ECI1: variants seen among roughly 807,000 people sequenced by gnomAD.
ECI1 encodes the protein enoyl-CoA delta isomerase 1.
Under a neutral mutation model 34.2 loss-of-function variants are expected in ECI1, and 34 were observed. The observed-to-expected ratio is 1.00, with a 90% CI of 0.76 to 1.33. ECI1 has a LOEUF of 1.33. Ranked by LOEUF, ECI1 falls within the 40% of genes most tolerant of loss-of-function variation. ECI1 has a pLI of 0.00. For synonymous variants in ECI1, 211 were observed against 193.0 expected, an observed-to-expected ratio of 1.09 and a Z score of -0.77; for missense variants, 456 against 422.2, an observed-to-expected ratio of 1.08 and a Z score of -0.70.
intron 2 of ECI1, among the ~76,000 whole-genome samples, chr16:2,250,358 A>T (rs991162673): frequency 1.3e-5 from 2 of 151,554 alleles, no homozygotes; most frequent in Non-Finnish European, 2.9e-5. Context: ...CCCTCAGCCC[A>T]GACAGAGAGG....
intron 2 of ECI1, among the ~76,000 whole-genome samples, chr16:2,247,308 G>A (rs1437013625): frequency 6.6e-6 from 1 of 152,128 alleles, no homozygotes; most frequent in East Asian, 1.9e-4. Context: ...TGTTAGCCAG[G>A]ATGGGCTCGA....
intron 2 of ECI1, among the ~76,000 whole-genome samples, chr16:2,248,616 G>A: frequency 6.6e-6 from 1 of 151,372 alleles, no homozygotes; most frequent in East Asian, 1.9e-4. Context: ...GTTTCACCAG[G>A]TTGGCCAGGC....
intron 6 of ECI1, 40 bp from the exon 7 acceptor site, chr16:2,240,185 G>A (rs1401801571): frequency 1.2e-6 from 2 of 1,602,664 alleles, no homozygotes; most frequent in Non-Finnish European, 1.7e-6. Flanking sequence ...CCCACTTTCA[G>A]GGGCAGTGGG....
intron 6 of ECI1, chr16:2,240,545 G>C (rs2093525849): frequency 7.4e-6 from 2 of 271,638 alleles, no homozygotes; most frequent in Non-Finnish European, 1.4e-5. Flanking sequence ...TTTTTAAAGA[G>C]ACAGGATATT....
intron 3 of ECI1, among the ~76,000 whole-genome samples, chr16:2,245,701 A>G (rs1239006991): frequency 6.6e-6 from 1 of 152,138 alleles, no homozygotes; most frequent in African/African-American, 2.4e-5. Context: ...CCCCGCCTGT[A>G]CAAAAAAGTA....
chr16:2,250,096 C>CAA (rs1431073472), intron 2 of ECI1, among the ~76,000 whole-genome samples: 1 of 148,830 alleles, frequency 6.7e-6, no homozygotes, highest in African/African-American at 2.5e-5. Flanking sequence ...TTCAGAAACT[C>CAA]AGTTTTTACA....
chr16:2,244,341 C>T (rs373850326), intron 4 of ECI1, 65 bp downstream of exon 4: 7 of 1,555,800 alleles, frequency 4.5e-6, no homozygotes, highest in Non-Finnish European at 1.8e-6. Flanking sequence ...AGGACAGTGT[C>T]TGTCCCACCC....
rs748618022 is a variant in ECI1 at position 2,244,415 on chromosome 16, G to A, written c.432C>T (p.Ser144=). The change falls in exon 4 of 7, where the codon TCC becomes TCT. Residue 144 remains serine, a synonymous_variant. Coordinates refer to ENST00000301729, the MANE Select transcript of ECI1 (RefSeq NM_001919.4). ...GAGTGGGGACACTCACGTTGATGGC[G>A]GAGACCAGCACCAGGTTGGACTGGT... is the stretch of plus-strand genomic sequence containing the variant. ...RLYQSNLVLV[S]AINGACPAGG... is the part of the protein sequence containing the mutation. 8 of 1,612,356 alleles carry A rather than the reference G, an allele frequency of 5.0e-6. No individual in the cohort carries two copies. Among genetic ancestry groups the A allele is most frequent in the South Asian group, 4.4e-5 (4 of 90,830 alleles).
At chr16:2,244,834 C>T (rs751642041) in intron 3 of ECI1, among the ~76,000 whole-genome samples, 10 of 152,206 alleles carry the variant, frequency 6.6e-5, no homozygotes, top group African/African-American at 9.7e-5. Context: ...GACATAAGTG[C>T]GCCGGCCCTC....
chr16:2,248,040 A>G (rs193286334), intron 2 of ECI1, among the ~76,000 whole-genome samples: 129 of 152,238 alleles, frequency 8.5e-4, no homozygotes, highest in Admixed American at 1.4e-3. Context: ...ATAAATTAAC[A>G]ATTTTATTTA....
At position 2,246,945 on chromosome 16, in the gene ECI1, G is replaced by A. The variant is rs201995306; in HGVS notation, c.208C>T (p.Leu70=). The A allele has an allele frequency of 2.5e-6, 4 of 1,613,830 alleles. No homozygotes were observed. The highest frequency in any genetic ancestry group is 2.5e-6 in the Non-Finnish European group (3 of 1,180,020). ...MKFKNPPVNS[L]SLEFLTELVI... is the part of the protein sequence containing the mutation. ...AGCTCCGTCAGAAACTCCAGGCTCA[G>A]GCTGTTCACTGGGGGGTTCTTGAAT... Residue 70 remains leucine (L), a synonymous_variant, in exon 3 of 7, where the codon CTG becomes TTG. Coordinates refer to ENST00000301729, the MANE Select transcript of ECI1 (RefSeq NM_001919.4).
intron 6 of ECI1, chr16:2,240,631 C>G (rs2093526069): frequency 5.8e-6 from 1 of 171,312 alleles, no homozygotes; most frequent in South Asian, 1.4e-4. Flanking sequence ...AGGTGATCCT[C>G]TCACCTCAGC....
Position 2,251,386 on chromosome 16 carries a change from C to T in ECI1, c.96G>A (p.Ala32=). ...GCCGCGCGCCGTCTCCGCCGCCGGC[C>T]GCCCGCTCCGTCCGCCCGAGGGCCG... The part of the protein sequence containing the change: ...PGAALGRTER[A]AGGGDGARRF... Residue 32 remains alanine (A), a synonymous_variant, in exon 2 of 7, where the codon GCG becomes GCA. Transcript: ENST00000301729. The T allele has an allele frequency of 7.9e-7, 1 of 1,265,414 alleles. No individual in the cohort carries two copies. Among genetic ancestry groups the T allele is most frequent in the East Asian group, 3.3e-5 (1 of 30,576 alleles). 78.4% of individuals were successfully genotyped at this position (1,265,414 alleles called of 1,614,324 possible).
intron 4 of ECI1, among the ~76,000 whole-genome samples, chr16:2,243,938 G>T (rs1035239323): frequency 2.5e-4 from 38 of 152,150 alleles, no homozygotes; most frequent in Admixed American, 2.5e-3. Context: ...GCACCCTTGA[G>T]GCTTCCTCTC....
In ECI1 at chr16:2,243,348, T is replaced by C. The variant is rs777843142; in HGVS notation, c.533A>G (p.Glu178Gly). The change falls in exon 5 of 7, where the codon GAG (glutamate) becomes GGG (glycine). Residue 178 changes from glutamate to glycine, a missense_variant. Physicochemically the swap from Glu to Gly is moderately conservative, Grantham distance 98. Coordinates refer to ENST00000301729, the MANE Select transcript of ECI1 (RefSeq NM_001919.4). ...AGGGGCGATGATGCCCAGCTGGGTCTCATTGAGTCCTATGCAGTACCTGGG... is the reference window on the plus strand; with the variant it reads ...AGGGGCGATGATGCCCAGCTGGGTCCCATTGAGTCCTATGCAGTACCTGGG... ...DNPRYCIGLN[E>G]TQLGIIAPFW... is the part of the protein sequence containing the mutation. 9 of 1,613,764 alleles carry C rather than the reference T, an allele frequency of 5.6e-6. No homozygotes were observed. Among genetic ancestry groups the C allele is most frequent in the Non-Finnish European group, 6.8e-6 (8 of 1,180,028 alleles).
In ECI1 at chr16:2,239,631, G is replaced by A. The variant is rs925330233; in HGVS notation, c.*348C>T. 2 of 368,984 alleles carry A rather than the reference G, an allele frequency of 5.4e-6. No homozygotes were observed. Among genetic ancestry groups the A allele is most frequent in the African/African-American group, 4.2e-5 (2 of 47,444 alleles). The allele number at this position is 368,984 out of a possible 1,614,324, so 22.9% of individuals were successfully genotyped here. ...CACCTGGCCTTACACCTAAGAGCAGGCAGTCCAAAGGCCAGAATGGATGAC... is the reference window on the plus strand; with the variant it reads ...CACCTGGCCTTACACCTAAGAGCAGACAGTCCAAAGGCCAGAATGGATGAC... On this transcript the variant is annotated 3_prime_UTR_variant, in exon 7 of 7. Transcript: ENST00000301729.
At chr16:2,246,306 G>T (rs908818257) in intron 3 of ECI1, among the ~76,000 whole-genome samples, 2 of 152,230 alleles carry the variant, frequency 1.3e-5, no homozygotes, top group Non-Finnish European at 2.9e-5. Context: ...GCCCACAGAG[G>T]ATCAGAGAGC....
At chr16:2,247,805 C>A (rs1282972222) in intron 2 of ECI1, among the ~76,000 whole-genome samples, 2 of 152,132 alleles carry the variant, frequency 1.3e-5, no homozygotes, top group African/African-American at 4.8e-5. Context: ...CTCCTGGGCT[C>A]CAGCGATCCT....
chr16:2,248,695 T>C (rs1300512972), intron 2 of ECI1, among the ~76,000 whole-genome samples: 1 of 152,164 alleles, frequency 6.6e-6, no homozygotes, highest in Non-Finnish European at 1.5e-5. Flanking sequence ...ATTATAGGTA[T>C]GAGCCACTGT....
Sources: allele counts gnomAD v4.1 joint callset (sites outside exome capture counted in the v4.1 genomes callset), GRCh38; gene constraint gnomAD v4.1.1; transcripts MANE v1.5; gene names NCBI Gene and HGNC (gene_info 2026-07-23, HGNC 2026-07-21).